HEATR4: variants seen among roughly 807,000 people sequenced by gnomAD.
HEATR4 encodes HEAT repeat-containing protein 4.
In HEATR4, 95 loss-of-function variants were observed where a neutral mutation model predicts 108.8. That is an observed-to-expected ratio of 0.87 (90% CI 0.74 to 1.04). HEATR4 has a LOEUF of 1.04. HEATR4 is among the 50% of genes least tolerant of loss of function. The pLI is 0.00. For synonymous variants in HEATR4, 443 were observed against 459.4 expected (o/e 0.96, Z 0.46); for missense variants, 1,152 against 1,253.8 (o/e 0.92, Z 1.23).
the HEATR4 span, among the ~76,000 whole-genome samples, chr14:73,566,498 C>T: frequency 5.5e-4 from 84 of 152,154 alleles, 1 homozygote; most frequent in African/African-American, 2.0e-3. Context: ...CAGCTAAGGC[C>T]CAGCGAGAAA....
At chr14:73,619,379 A>T in the HEATR4 span, 1 of 1,614,182 alleles carries the variant, frequency 6.2e-7, no homozygotes, top group South Asian at 1.1e-5. Context: ...CATTACAAGG[A>T]TATGATTATT....
chr14:73,628,417 C>T, the HEATR4 span, among the ~76,000 whole-genome samples: 4 of 152,140 alleles, frequency 2.6e-5, no homozygotes, highest in Non-Finnish European at 4.4e-5. Context: ...ACTAGGATTA[C>T]AGGCATGAGC....
At chr14:73,488,549 C>T (rs1885539634) in intron 17 of HEATR4, among the ~76,000 whole-genome samples, 1 of 150,730 alleles carries the variant, frequency 6.6e-6, no homozygotes, top group African/African-American at 2.4e-5. Flanking sequence ...GGATTACAGG[C>T]ATGAGCTTGC....
At chr14:73,511,864 A>C in intron 7 of HEATR4, 142 bp downstream of exon 7, 1 of 854,028 alleles carries the variant, frequency 1.2e-6, no homozygotes, top group Non-Finnish European at 1.8e-6. Flanking sequence ...GCTGATAAGC[A>C]TGTATATATA....
chr14:73,612,414 G>A, the HEATR4 span: 1 of 457,520 alleles, frequency 2.2e-6, no homozygotes, highest in African/African-American at 2.0e-5. Flanking sequence ...ACAAATTCTA[G>A]GCGCCCCACG....
Position 73,542,682 on chromosome 14 carries a change from A to T in HEATR4, c.-151-12438T>A, listed in dbSNP as rs560236907. ...CAGCCTCCCAAACTGTTGGGATTAC[A>T]GGCGTCAGCCACCACGCCCGGCCAT... is the stretch of plus-strand genomic sequence containing the variant. On this transcript the variant is annotated intron_variant, in intron 1 of 17. Transcript: ENST00000553558. Among the ~76,000 whole-genome samples, 7 of 112,010 alleles carry T rather than the reference A, an allele frequency of 6.2e-5. 3 individuals are homozygous for T. In the South Asian group the frequency reaches 2.0e-3, roughly 31 times the overall value. The allele number at this position is 112,010 out of a possible 152,430, so 73.5% of individuals were successfully genotyped here.
the HEATR4 span, among the ~76,000 whole-genome samples, chr14:73,579,102 A>C: frequency 6.6e-5 from 10 of 150,696 alleles, no homozygotes; most frequent in African/African-American, 2.2e-4. Flanking sequence ...AAAAAAAAAA[A>C]AAAAACAGCC....
chr14:73,631,626 C>T, the HEATR4 span: 777 of 163,044 alleles, frequency 4.8e-3, 14 homozygotes, highest in Admixed American at 0.041. Flanking sequence ...CGGGTCGCTG[C>T]CACCAAGAAG....
intron 1 of HEATR4, among the ~76,000 whole-genome samples, chr14:73,554,231 G>A (rs934709318): frequency 8.8e-5 from 10 of 114,184 alleles, no homozygotes; most frequent in Admixed American, 2.0e-4. Flanking sequence ...CAGGAGAAGC[G>A]CTTGAACCAG....
At position 73,520,987 on chromosome 14, in the gene HEATR4, T is replaced by G. The variant is rs755565229; in HGVS notation, c.934A>C (p.Lys312Gln). Residue 312 changes from lysine (K) to glutamine (Q), a missense_variant, in exon 4 of 18, where the codon AAG becomes CAG. Coordinates refer to ENST00000553558, the MANE Select transcript of HEATR4 (RefSeq NM_001220484.1). Reference sequence around the variant, plus strand: ...TTTTCATGGATATCCTCAGTGCTCTTGTTGCCAGGCATGATCTCAACTGTC... The same window carrying G: ...TTTTCATGGATATCCTCAGTGCTCTGGTTGCCAGGCATGATCTCAACTGTC... ...AETVEIMPGN[K>Q]STEDIHEKTS... The G allele has an allele frequency of 3.7e-6, 6 of 1,613,836 alleles. No individual in the cohort carries two copies. Among genetic ancestry groups the G allele is most frequent in the Non-Finnish European group, 5.1e-6 (6 of 1,179,996 alleles).
At chr14:73,619,676 C>T in the HEATR4 span, 1 of 1,614,174 alleles carries the variant, frequency 6.2e-7, no homozygotes, top group South Asian at 1.1e-5. Flanking sequence ...CCTTATTTTC[C>T]TCCTTCTAGA....
upstream of HEATR4, among the ~76,000 whole-genome samples, chr14:73,563,160 A>C (rs1399561117): frequency 6.8e-6 from 1 of 146,732 alleles, no homozygotes; most frequent in Non-Finnish European, 1.5e-5. Flanking sequence ...CCAGCGGCCC[A>C]GGTGTAAAAT....
At chr14:73,607,922 C>A in the HEATR4 span, among the ~76,000 whole-genome samples, 1 of 151,504 alleles carries the variant, frequency 6.6e-6, no homozygotes, top group Non-Finnish European at 1.5e-5. Flanking sequence ...CCATGCCCAG[C>A]GGGGTTTTCT....
At chr14:73,486,360 C>T (rs1885452260) in intron 17 of HEATR4, among the ~76,000 whole-genome samples, 1 of 152,108 alleles carries the variant, frequency 6.6e-6, no homozygotes, top group Non-Finnish European at 1.5e-5. Flanking sequence ...TCTTTCTCAC[C>T]ATCTCCCTTT....
At chr14:73,616,765 A>T in the HEATR4 span, 1 of 423,552 alleles carries the variant, frequency 2.4e-6, no homozygotes, top group South Asian at 6.5e-5. Context: ...TGAACTGTAC[A>T]GTGATGAACG....
chr14:73,504,138 C>T (rs1426387702), intron 10 of HEATR4, among the ~76,000 whole-genome samples: 1 of 146,218 alleles, frequency 6.8e-6, no homozygotes, highest in African/African-American at 2.5e-5. Context: ...AGTGCAATGG[C>T]ACGATCTCGG....
At chr14:73,561,924 C>A (rs1346008094), upstream of HEATR4, among the ~76,000 whole-genome samples, 1 of 152,066 alleles carries the variant, frequency 6.6e-6, no homozygotes, top group African/African-American at 2.4e-5. Flanking sequence ...GTTGAGACTG[C>A]AGTGAACTGT....
chr14:73,551,807 CT>C lies in HEATR4; in HGVS notation c.-152+6943del, dbSNP rs1410214463. Among the ~76,000 whole-genome samples, 88 of 98,854 alleles carry C rather than the reference CT, an allele frequency of 8.9e-4. 17 individuals are homozygous for C. Among genetic ancestry groups the C allele is most frequent in the Middle Eastern group, 5.3e-3 (1 of 188 alleles). 64.9% of individuals were successfully genotyped at this position (98,854 alleles called of 152,430 possible). A position where few individuals can be genotyped will look rare whatever the true frequency, so the allele number is the denominator to read the frequency against. ...CTGGGCAACAAGAGTAAATCTCCGT[CT>C]TAAAAAAAAAAAAAAAACAGACAAA... On this transcript the variant is annotated intron_variant, in intron 1 of 17. Coordinates refer to ENST00000553558, the MANE Select transcript of HEATR4 (RefSeq NM_001220484.1).
At chr14:73,512,263 TAGCTC>T in intron 6 of HEATR4, 114 bp from the exon 7 acceptor site, 1 of 1,191,026 alleles carries the variant, frequency 8.4e-7, no homozygotes, top group Non-Finnish European at 1.2e-6. Context: ...AGCAAAACAT[TAGCTC>T]AGAAGAATAA....
Sources: allele counts gnomAD v4.1 joint callset (sites outside exome capture counted in the v4.1 genomes callset), GRCh38; gene constraint gnomAD v4.1.1; transcripts MANE v1.5; gene names NCBI Gene and HGNC (gene_info 2026-07-23, HGNC 2026-07-21).